Variants in EPSTI1 observed in about 807,000 individuals in gnomAD.
EPSTI1 encodes epithelial stromal interaction 1, also known as epithelial-stromal interaction protein 1.
EPSTI1 carries 66 observed loss-of-function variants against 49.9 expected under a neutral mutation model. That is an observed-to-expected ratio of 1.32 (90% CI 1.08 to 1.62). The LOEUF is 1.62. EPSTI1 is among the 40% of genes most tolerant of loss of function. EPSTI1 has a pLI of 0.00. For missense variants in EPSTI1, 394 were observed against 365.5 expected, an observed-to-expected ratio of 1.08 and a Z score of -0.64; for synonymous variants, 137 against 130.7, an observed-to-expected ratio of 1.05 and a Z score of -0.33.
chr13:42,926,386 C>G lies in EPSTI1; in HGVS notation c.607G>C (p.Asp203His). The change falls in exon 7 of 11, where the codon GAC (aspartate) becomes CAC (histidine). Residue 203 changes from aspartate to histidine, a missense_variant. Asp to His is a moderately conservative substitution (Grantham distance 81). Transcript: ENST00000313624. ...ACAGCACTTTGACAGGCACTTCTGT[C>G]TGGCGATTCTGTGTTCAGTTTGCTC... is the stretch of plus-strand genomic sequence containing the variant. Reference protein sequence around the residue: ...FLSKLNTESPDRSACQSAVCG... With the variant: ...FLSKLNTESPHRSACQSAVCG... 6.2e-7 allele frequency: 1 copy of G among 1,613,950 alleles called. No homozygotes were observed. Among genetic ancestry groups the G allele is most frequent in the East Asian group, 2.2e-5 (1 of 44,884 alleles).
chr13:42,978,361 CGCATAGCGG>C (rs1049808587), intron 1 of EPSTI1, among the ~76,000 whole-genome samples: 4 of 152,002 alleles, frequency 2.6e-5, no homozygotes, highest in African/African-American at 9.7e-5. Flanking sequence ...GGTGGGACAA[CGCATAGCGG>C]GGAGGGGGCT....
intron 1 of EPSTI1, among the ~76,000 whole-genome samples, chr13:42,971,612 G>GC (rs928602826): frequency 4.3e-4 from 40 of 92,360 alleles, no homozygotes; most frequent in Non-Finnish European, 1.2e-4. Flanking sequence ...GGATTTAAGA[G>GC]GGAGGGAAAA....
chr13:42,910,485 C>T (rs965514460), intron 8 of EPSTI1, among the ~76,000 whole-genome samples: 4 of 152,062 alleles, frequency 2.6e-5, no homozygotes, highest in African/African-American at 7.2e-5. Flanking sequence ...AACTCCTGAC[C>T]TCAGGTGATC....
chr13:42,978,758 G>A (rs1213412285), intron 1 of EPSTI1, among the ~76,000 whole-genome samples: 2 of 152,128 alleles, frequency 1.3e-5, no homozygotes, highest in African/African-American at 4.8e-5. Context: ...CTATTGCATT[G>A]TATGTAATTA....
In EPSTI1 at chr13:42,899,362, G is replaced by A. The variant is rs77676874; in HGVS notation, c.815+948C>T. 4.3e-4 allele frequency among the ~76,000 whole-genome samples: 66 copies of A among 152,056 alleles called. No homozygotes were observed. In the East Asian group the frequency reaches 8.9e-3, roughly 20 times the overall value. On this transcript the variant is annotated intron_variant, in intron 9 of 10. Transcript: ENST00000313624. ...AGAGTTTTGATATTTCCTTAAATAA[G>A]AGAAAAAACATATAATTCACATTTG...
intron 7 of EPSTI1, among the ~76,000 whole-genome samples, chr13:42,925,380 T>C (rs952020838): frequency 1.4e-4 from 22 of 152,234 alleles, no homozygotes; most frequent in African/African-American, 5.3e-4. Flanking sequence ...GGTGGTTTTC[T>C]ACCAGGAGCA....
At chr13:42,919,495 T>A (rs1240269918) in intron 7 of EPSTI1, among the ~76,000 whole-genome samples, 4 of 152,240 alleles carry the variant, frequency 2.6e-5, no homozygotes, top group African/African-American at 9.6e-5. Context: ...AATACACCTT[T>A]ATTTATCCTC....
chr13:42,939,449 T>C (rs1455831153), intron 6 of EPSTI1, among the ~76,000 whole-genome samples: 1 of 152,224 alleles, frequency 6.6e-6, no homozygotes, highest in Non-Finnish European at 1.5e-5. Flanking sequence ...TATTTCCTTT[T>C]ACTTGAATGC....
At chr13:42,927,145 A>G (rs1246708059) in intron 6 of EPSTI1, among the ~76,000 whole-genome samples, 2 of 152,134 alleles carry the variant, frequency 1.3e-5, no homozygotes, top group East Asian at 1.9e-4. Flanking sequence ...TAGCTCTGAA[A>G]AATTGACCTA....
At chr13:42,903,349 C>T (rs570837450) in intron 8 of EPSTI1, among the ~76,000 whole-genome samples, 7 of 152,234 alleles carry the variant, frequency 4.6e-5, no homozygotes, top group Non-Finnish European at 8.8e-5. Context: ...CCAGCTTCAT[C>T]AAACATTGAA....
chr13:42,903,133 T>C (rs1408070988), intron 8 of EPSTI1, among the ~76,000 whole-genome samples: 1 of 152,142 alleles, frequency 6.6e-6, no homozygotes, highest in African/African-American at 2.4e-5. Flanking sequence ...ACAAACTAAC[T>C]CTCATTAGTT....
chr13:42,985,086 G>A (rs933476581), intron 1 of EPSTI1, among the ~76,000 whole-genome samples: 10 of 152,182 alleles, frequency 6.6e-5, no homozygotes, highest in Non-Finnish European at 1.3e-4. Flanking sequence ...GGGTAGGGAA[G>A]GAAAGCTTTG....
At chr13:42,955,886 G>A (rs575739305) in intron 5 of EPSTI1, among the ~76,000 whole-genome samples, 2 of 141,698 alleles carry the variant, frequency 1.4e-5, no homozygotes, top group African/African-American at 2.6e-5. Context: ...TTGGGGGGGG[G>A]GGGAAGTAGT....
At chr13:42,911,423 A>T (rs1399241575) in intron 8 of EPSTI1, among the ~76,000 whole-genome samples, 1 of 152,208 alleles carries the variant, frequency 6.6e-6, no homozygotes. Context: ...GTTCCTTGAA[A>T]ATTTGAAGGA....
At chr13:42,931,797 A>C (rs1449069914) in intron 6 of EPSTI1, among the ~76,000 whole-genome samples, 1 of 152,144 alleles carries the variant, frequency 6.6e-6, no homozygotes, top group Admixed American at 6.5e-5. Flanking sequence ...GCATTTTATG[A>C]TATGGATATA....
At chr13:42,991,878 G>T in intron 1 of EPSTI1, 100 bp downstream of exon 1, 2 of 1,292,890 alleles carry the variant, frequency 1.5e-6, no homozygotes, top group Admixed American at 1.9e-5. Context: ...CCCTGTTGTT[G>T]GGCCCCTGTG....
At chr13:42,988,594 G>C (rs1490299599) in intron 1 of EPSTI1, among the ~76,000 whole-genome samples, 1 of 152,116 alleles carries the variant, frequency 6.6e-6, no homozygotes, top group African/African-American at 2.4e-5. Flanking sequence ...AGCCAGGCAT[G>C]GTGGCATGTG....
chr13:42,893,723 G>A (rs1004967741), intron 10 of EPSTI1, among the ~76,000 whole-genome samples: 3 of 152,122 alleles, frequency 2.0e-5, no homozygotes, highest in Admixed American at 1.3e-4. Context: ...TGCTTTCTAA[G>A]TTTTAAGAGC....
intron 6 of EPSTI1, among the ~76,000 whole-genome samples, chr13:42,933,424 T>TC (rs71099808): frequency 0.14 from 21,150 of 151,970 alleles, 1,709 homozygotes; most frequent in South Asian, 0.23. Flanking sequence ...CTATTTTACT[T>TC]CCATATACAT....
Sources: gnomAD v4.1 joint callset for allele counts (sites outside exome capture counted in the v4.1 genomes callset) on GRCh38, gnomAD v4.1.1 for gene constraint, MANE v1.5 for transcripts, NCBI Gene and HGNC (gene_info 2026-07-23, HGNC 2026-07-21) for gene names.